SIRPB1: variants seen among roughly 807,000 people sequenced by gnomAD.
SIRPB1 encodes the protein signal regulatory protein beta 1, also known as signal-regulatory protein beta-1.
A neutral mutation model predicts 34.1 loss-of-function variants in SIRPB1; 28 were observed. The ratio of observed to expected loss-of-function variants is 0.82; its 90% CI spans 0.61 to 1.12. The LOEUF is 1.12. Among genes scored for constraint, SIRPB1 ranks in the 50% most tolerant of loss-of-function variants. SIRPB1 has a pLI of 0.00. For missense variants in SIRPB1, 499 were observed against 507.0 expected (o/e 0.98, Z 0.15); for synonymous variants, 211 against 203.8 (o/e 1.04, Z -0.30).
rs749289845 is a variant in SIRPB1 at position 1,571,868 on chromosome 20, T to A, written c.603A>T (p.Gly201=). The change falls in exon 3 of 6, where the codon GGA becomes GGT. Residue 201 remains glycine, a synonymous_variant. Transcript: ENST00000381605. ...SDFQTNVDPA[G]DSVSYSIHST... The stretch of plus-strand genomic sequence containing the variant: ...TGTGGATGCTGTAGGACACACTGTC[T>A]CCTGCGGGGTCCACGTTGGTCTGGA... 6.2e-7 allele frequency: 1 copy of A among 1,614,220 alleles called. No homozygotes were observed. Among genetic ancestry groups the A allele is most frequent in the Non-Finnish European group, 8.5e-7 (1 of 1,180,038 alleles).
chr20:1,572,154 C>T (rs1264354419), intron 2 of SIRPB1, 117 bp from the exon 3 acceptor site: 22 of 1,490,954 alleles, frequency 1.5e-5, no homozygotes, highest in Middle Eastern at 2.3e-4. Flanking sequence ...CTAATAATGT[C>T]GTGAAGGCAG....
chr20:1,599,591 C>G (rs2091468362), intron 1 of SIRPB1, among the ~76,000 whole-genome samples: 1 of 49,022 alleles, frequency 2.0e-5, no homozygotes, highest in Non-Finnish European at 3.9e-5. Flanking sequence ...CCCTGCAGGG[C>G]AAGTTCTTCT....
intron 4 of SIRPB1, among the ~76,000 whole-genome samples, chr20:1,567,725 C>T (rs1334332857): frequency 1.3e-5 from 2 of 152,196 alleles, no homozygotes; most frequent in Admixed American, 6.5e-5. Flanking sequence ...GAAGGAAATT[C>T]CTTGCCATTA....
rs377495092 is a variant in SIRPB1 at position 1,619,853 on chromosome 20, C to T, written c.76+16G>A. 4.8e-5 allele frequency: 76 copies of T among 1,586,850 alleles called. 1 individual carries two copies. The South Asian group carries it at 6.0e-4, about 12-fold the overall frequency. ...AGTGGGCAGGAAAAAAGATTTTAAC[C>T]GAAGGCAGTGCTCACCTGTGAGTCT... On this transcript the variant is annotated intron_variant, in intron 1 of 5. Transcript: ENST00000381605.
rs1473833491 is a variant in SIRPB1 at position 1,611,121 on chromosome 20, G to A, written c.76+8748C>T. On this transcript the variant is annotated intron_variant, in intron 1 of 5. Transcript: ENST00000381605. ...CAGCTTTGGAAACACAAGAGCTGTAGAGCCGCAAGCTGGGGATGCCTTCTG... is the reference window on the plus strand; with the variant it reads ...CAGCTTTGGAAACACAAGAGCTGTAAAGCCGCAAGCTGGGGATGCCTTCTG... Among the ~76,000 whole-genome samples the A allele has an allele frequency of 2.8e-5, 2 of 72,524 alleles. 1 individual carries two copies. The highest frequency in any genetic ancestry group is 1.2e-3 in the East Asian group (2 of 1,704). The allele number at this position is 72,524 out of a possible 152,430, so 47.6% of individuals were successfully genotyped here. A position where few individuals can be genotyped will look rare whatever the true frequency, so the allele number is the denominator to read the frequency against.
rs2091501024 is a variant in SIRPB1 at position 1,604,967 on chromosome 20, G to A, written c.76+14902C>T. On this transcript the variant is annotated intron_variant, in intron 1 of 5. Transcript: ENST00000381605. Reference sequence around the variant, plus strand: ...AACCATTTCAGGGTGATGTCTCTGGGTGAGAAGCCGTGGGACTCGCAGGTG... The same window carrying A: ...AACCATTTCAGGGTGATGTCTCTGGATGAGAAGCCGTGGGACTCGCAGGTG... The A allele has an allele frequency of 3.3e-6, 2 of 609,776 alleles. 1 individual carries two copies. Among genetic ancestry groups the A allele is most frequent in the Admixed American group, 5.9e-5 (2 of 33,954 alleles). The allele number at this position is 609,776 out of a possible 1,614,324, so 37.8% of individuals were successfully genotyped here. A position where few individuals can be genotyped will look rare whatever the true frequency, so the allele number is the denominator to read the frequency against.
chr20:1,583,552 A>T lies in SIRPB1; in HGVS notation c.77-4858T>A, dbSNP rs979384179. Among the ~76,000 whole-genome samples, 4 of 48,440 alleles carry T rather than the reference A, an allele frequency of 8.3e-5. 1 individual carries two copies. In the South Asian group the frequency reaches 3.0e-3, roughly 36 times the overall value. The allele number at this position is 48,440 out of a possible 152,430, so 31.8% of individuals were successfully genotyped here. ...ATGAATATAACTATAGATATAGATA[A>T]TATAGGCAGGGTTCTCTGTTACTTT... On this transcript the variant is annotated intron_variant, in intron 1 of 5. Coordinates refer to ENST00000381605, the MANE Select transcript of SIRPB1 (RefSeq NM_006065.5).
At chr20:1,566,091 C>T (rs1223540706) in intron 5 of SIRPB1, 62 bp downstream of exon 5, 19 of 1,021,726 alleles carry the variant, frequency 1.9e-5, no homozygotes, top group Non-Finnish European at 2.7e-5. Flanking sequence ...TGAGCTGGGC[C>T]CTCCTGCTGG....
In SIRPB1 at chr20:1,619,978, G is replaced by T; in HGVS notation, c.-34C>A. On this transcript the variant is annotated 5_prime_UTR_variant, in exon 1 of 6. Transcript: ENST00000381605. ...CCTTAGGAGCCTGCTCTGTCCAAAC[G>T]TCTGTGCTGGGAAGATCGCAGACTC... 1.3e-6 allele frequency: 2 copies of T among 1,598,738 alleles called. No individual in the cohort carries two copies. Among genetic ancestry groups the T allele is most frequent in the Non-Finnish European group, 1.7e-6 (2 of 1,172,622 alleles).
In SIRPB1 at chr20:1,593,411, A is replaced by G. The variant is rs184204353; in HGVS notation, c.77-14717T>C. On this transcript the variant is annotated intron_variant, in intron 1 of 5. Transcript: ENST00000381605. The stretch of plus-strand genomic sequence containing the variant: ...TACATACTTCACATAATGGGTAAAG[A>G]CATTTTGTTTTATGAATCTATATTT... Among the ~76,000 whole-genome samples, 21 of 49,186 alleles carry G rather than the reference A, an allele frequency of 4.3e-4. 10 individuals carry two copies. Among genetic ancestry groups the G allele is most frequent in the African/African-American group, 2.8e-3 (21 of 7,500 alleles). 32.3% of individuals were successfully genotyped at this position (49,186 alleles called of 152,430 possible). A position where few individuals can be genotyped will look rare whatever the true frequency, so the allele number is the denominator to read the frequency against.
At chr20:1,616,052 C>A (rs1320330576) in intron 1 of SIRPB1, among the ~76,000 whole-genome samples, 1 of 152,106 alleles carries the variant, frequency 6.6e-6, no homozygotes, top group Non-Finnish European at 1.5e-5. Flanking sequence ...AGCTATAACA[C>A]CCTGATGAAA....
rs73570828 is a variant in SIRPB1, at chr20:1,562,680, G to A, written c.*2820C>T. Among the ~76,000 whole-genome samples, 1,469 of 152,232 alleles carry A rather than the reference G, an allele frequency of 9.6e-3. 29 individuals are homozygous for A. The highest frequency in any genetic ancestry group is 0.034 in the African/African-American group (1,425 of 41,546). On this transcript the variant is annotated 3_prime_UTR_variant, in exon 6 of 6. Coordinates refer to ENST00000381605, the MANE Select transcript of SIRPB1 (RefSeq NM_006065.5). The stretch of plus-strand genomic sequence containing the variant: ...CAAATCACCATGGTAATAAAAGCTC[G>A]TCATGATCAGTAACCAGTCATGTTG...
At chr20:1,614,122 G>A (rs1268765467) in intron 1 of SIRPB1, among the ~76,000 whole-genome samples, 1 of 152,294 alleles carries the variant, frequency 6.6e-6, no homozygotes, top group East Asian at 1.9e-4. Flanking sequence ...GGAAAAATAT[G>A]TCAATCATGA....
rs2253429 is a variant in SIRPB1, at chr20:1,562,308, G to C, written c.*3192C>G. 0.36 allele frequency among the ~76,000 whole-genome samples: 54,480 copies of C among 151,900 alleles called. 11,413 individuals carry two copies. The highest frequency in any genetic ancestry group is 0.47 in the Non-Finnish European group (32,154 of 67,896). Reference sequence around the variant, plus strand: ...AAGCCAAGTGATCAAATGAAGAGAAGTTTTCTTTTGAAATCCAACACCTAG... The same window carrying C: ...AAGCCAAGTGATCAAATGAAGAGAACTTTTCTTTTGAAATCCAACACCTAG... On this transcript the variant is annotated 3_prime_UTR_variant, in exon 6 of 6. Transcript: ENST00000381605.
At chr20:1,567,832 A>AGAGT (rs1335616444) in intron 4 of SIRPB1, among the ~76,000 whole-genome samples, 1 of 152,268 alleles carries the variant, frequency 6.6e-6, no homozygotes, top group Non-Finnish European at 1.5e-5. Context: ...TGAGAAACTA[A>AGAGT]GAGTGATTCA....
chr20:1,563,409 C>T lies in SIRPB1; in HGVS notation c.*2091G>A, dbSNP rs981195041. 2 of 152,200 alleles carry T rather than the reference C, an allele frequency of 1.3e-5. No homozygotes were observed. Among genetic ancestry groups the T allele is most frequent in the Non-Finnish European group, 2.9e-5 (2 of 68,092 alleles). 9.4% of individuals were successfully genotyped at this position (152,200 alleles called of 1,614,324 possible). On this transcript the variant is annotated 3_prime_UTR_variant, in exon 6 of 6. Transcript: ENST00000381605. ...TCAGGAGGCTGAGGCAGGAGAATCA[C>T]TTGAACCCTGGAGGCGGGGGTTGCA... is the stretch of plus-strand genomic sequence containing the variant.
intron 1 of SIRPB1, among the ~76,000 whole-genome samples, chr20:1,617,088 G>A (rs938840106): frequency 2.0e-5 from 3 of 152,202 alleles, no homozygotes; most frequent in African/African-American, 7.2e-5. Context: ...CACATAGTTA[G>A]TGGGAATGTA....
In SIRPB1 at chr20:1,598,574, G is replaced by A. The variant is rs1172955013; in HGVS notation, c.77-19880C>T. On this transcript the variant is annotated intron_variant, in intron 1 of 5. Coordinates refer to ENST00000381605, the MANE Select transcript of SIRPB1 (RefSeq NM_006065.5). Reference sequence around the variant, plus strand: ...CACCTCCTCATGCGACCCCTTGGGTGCTGTAAAAACCTTTAAACACCCTGG... The same window carrying A: ...CACCTCCTCATGCGACCCCTTGGGTACTGTAAAAACCTTTAAACACCCTGG... Among the ~76,000 whole-genome samples, 2 of 48,462 alleles carry A rather than the reference G, an allele frequency of 4.1e-5. 1 individual carries two copies. Among genetic ancestry groups the A allele is most frequent in the Admixed American group, 2.7e-4 (2 of 7,304 alleles). The allele number at this position is 48,462 out of a possible 152,430, so 31.8% of individuals were successfully genotyped here. A position where few individuals can be genotyped will look rare whatever the true frequency, so the allele number is the denominator to read the frequency against.
At chr20:1,613,665 T>C (rs1269470847) in intron 1 of SIRPB1, among the ~76,000 whole-genome samples, 1 of 152,152 alleles carries the variant, frequency 6.6e-6, no homozygotes, top group Non-Finnish European at 1.5e-5. Context: ...GATGGTATAA[T>C]TGAAATTATT....
Sources: gnomAD v4.1 joint callset for allele counts (sites outside exome capture counted in the v4.1 genomes callset) on GRCh38, gnomAD v4.1.1 for gene constraint, MANE v1.5 for transcripts, NCBI Gene and HGNC (gene_info 2026-07-23, HGNC 2026-07-21) for gene names.